ST8SIA1: variants seen among roughly 807,000 people sequenced by gnomAD.
ST8SIA1 encodes alpha-N-acetylneuraminide alpha-2,8-sialyltransferase.
A neutral mutation model predicts 35.9 loss-of-function variants in ST8SIA1; 16 were observed. The ratio of observed to expected loss-of-function variants is 0.45; its 90% confidence interval spans 0.30 to 0.68. The LOEUF (loss-of-function observed/expected upper bound fraction) is 0.68, where lower values mean the gene tolerates loss of function less well. ST8SIA1 is among the 30% of genes least tolerant of loss of function. The probability of loss-of-function intolerance (pLI) is 0.09; values close to 1 mark genes in which losing one functional copy is unlikely to be tolerated. For synonymous variants in ST8SIA1, 170 were observed against 169.6 expected, an observed-to-expected ratio of 1.00 and a Z score of -0.02; for missense variants, 383 against 453.6, an observed-to-expected ratio of 0.84 and a Z score of 1.41.
chr12:22,202,009 G>T lies in ST8SIA1; in HGVS notation c.614C>A (p.Thr205Lys), dbSNP rs138223779. 186 of 1,610,538 alleles carry T rather than the reference G, an allele frequency of 1.2e-4. No homozygotes were observed. Among genetic ancestry groups the T allele is most frequent in the Non-Finnish European group, 1.5e-4 (174 of 1,178,980 alleles). ...RFQNLLWSRK[T>K]FVDNMKIYNH... ...ATAAATTTTCATGTTGTCCACAAAT[G>T]TCTTTCTGGACCACAGAAGGTTCTG... The change falls in exon 5 of 5, where the codon ACA (threonine) becomes AAA (lysine). Residue 205 changes from threonine (T) to lysine (K), a missense_variant. Transcript: ENST00000396037.
intron 1 of ST8SIA1, among the ~76,000 whole-genome samples, chr12:22,310,884 G>A (rs1866440868): frequency 6.6e-6 from 1 of 152,156 alleles, no homozygotes; most frequent in Non-Finnish European, 1.5e-5. Flanking sequence ...TATAGCCCCT[G>A]TAAGTGTTTC....
intron 4 of ST8SIA1, among the ~76,000 whole-genome samples, chr12:22,205,585 C>T (rs180982469): frequency 1.3e-3 from 192 of 152,070 alleles, no homozygotes; most frequent in Admixed American, 3.9e-3. Context: ...TCATACTTCA[C>T]GAGACAATTA....
At chr12:22,272,430 T>C (rs1865922038) in intron 2 of ST8SIA1, among the ~76,000 whole-genome samples, 2 of 152,338 alleles carry the variant, frequency 1.3e-5, no homozygotes, top group Non-Finnish European at 2.9e-5. Context: ...GAAACCATTT[T>C]CTTATTTAGA....
At chr12:22,252,069 A>G (rs963834173) in intron 3 of ST8SIA1, among the ~76,000 whole-genome samples, 1 of 152,210 alleles carries the variant, frequency 6.6e-6, no homozygotes, top group African/African-American at 2.4e-5. Context: ...TTTTTAAAGT[A>G]CTGCTTTTGG....
chr12:22,240,530 GA>G (rs919966160), intron 4 of ST8SIA1, among the ~76,000 whole-genome samples: 58 of 142,868 alleles, frequency 4.1e-4, no homozygotes, highest in Middle Eastern at 3.5e-3. Context: ...GAGTTTGGAG[GA>G]AAAAAAAAAA....
intron 4 of ST8SIA1, among the ~76,000 whole-genome samples, chr12:22,220,765 G>A (rs1174530048): frequency 3.3e-5 from 5 of 152,122 alleles, no homozygotes. Context: ...AGATCCTTAT[G>A]CTGTCTCCAA....
rs75880605 is a variant in ST8SIA1, at chr12:22,199,524, T to G, written c.*2028A>C. The stretch of plus-strand genomic sequence containing the variant: ...AATATTTAACACAATTTCTTCATGG[T>G]ACATTCTCATTATGTTTTTGCTGCC... On this transcript the variant is annotated 3_prime_UTR_variant, in exon 5 of 5. Coordinates refer to ENST00000396037, the MANE Select transcript of ST8SIA1 (RefSeq NM_003034.4). 6.6e-6 allele frequency: 1 copy of G among 152,226 alleles called. No homozygotes were observed. The highest frequency in any genetic ancestry group is 1.9e-4 in the East Asian group (1 of 5,200). The allele number at this position is 152,226 out of a possible 1,614,324, so 9.4% of individuals were successfully genotyped here.
chr12:22,260,248 A>G (rs1330465182), intron 2 of ST8SIA1, among the ~76,000 whole-genome samples: 1 of 149,952 alleles, frequency 6.7e-6, no homozygotes, highest in Non-Finnish European at 1.5e-5. Flanking sequence ...TGCAGCCTTG[A>G]TCTCCCAGGC....
chr12:22,212,901 T>C (rs2216228), intron 4 of ST8SIA1, among the ~76,000 whole-genome samples: 32,389 of 152,134 alleles, frequency 0.21, 3,816 homozygotes, highest in South Asian at 0.33. Context: ...TCAGGAATCA[T>C]ATAACCAGAA....
intron 4 of ST8SIA1, among the ~76,000 whole-genome samples, chr12:22,228,634 T>C (rs1028908401): frequency 2.0e-5 from 3 of 152,190 alleles, no homozygotes; most frequent in Non-Finnish European, 4.4e-5. Flanking sequence ...AGAAAGACTC[T>C]CTAGGCAGAG....
intron 1 of ST8SIA1, among the ~76,000 whole-genome samples, chr12:22,317,376 C>A (rs935901528): frequency 2.6e-5 from 4 of 152,218 alleles, no homozygotes; most frequent in African/African-American, 9.6e-5. Flanking sequence ...CCAAGACTTA[C>A]TTTCTCACAC....
At chr12:22,273,448 G>A (rs192807917) in intron 2 of ST8SIA1, among the ~76,000 whole-genome samples, 1 of 152,238 alleles carries the variant, frequency 6.6e-6, no homozygotes, top group Admixed American at 6.5e-5. Flanking sequence ...CTGCCTTTGG[G>A]TAGGGGGACC....
Position 22,193,484 on chromosome 12 carries a change from C to T in ST8SIA1, c.*8068G>A, listed in dbSNP as rs1864947862. ...GAGACTTACCGAACCTTCTCACTGC[C>T]AGCCATAATTACAATGAATACACCA... On this transcript the variant is annotated 3_prime_UTR_variant, in exon 5 of 5. Coordinates refer to ENST00000396037, the MANE Select transcript of ST8SIA1 (RefSeq NM_003034.4). 1 of 152,106 alleles carries T rather than the reference C, an allele frequency of 6.6e-6. No homozygotes were observed. Among genetic ancestry groups the T allele is most frequent in the Admixed American group, 6.5e-5 (1 of 15,268 alleles). 9.4% of individuals were successfully genotyped at this position (152,106 alleles called of 1,614,324 possible). A position where few individuals can be genotyped will look rare whatever the true frequency, so the allele number is the denominator to read the frequency against.
intron 1 of ST8SIA1, among the ~76,000 whole-genome samples, chr12:22,303,643 A>G (rs1471351781): frequency 1.3e-5 from 2 of 152,024 alleles, no homozygotes; most frequent in East Asian, 3.9e-4. Flanking sequence ...GTTTTGCTTA[A>G]CTGTTTTTTG....
intron 4 of ST8SIA1, among the ~76,000 whole-genome samples, chr12:22,206,144 T>A (rs563080951): frequency 6.6e-6 from 1 of 152,158 alleles, no homozygotes; most frequent in African/African-American, 2.4e-5. Flanking sequence ...TCACCTCCTA[T>A]GACAAATCTC....
chr12:22,290,597 G>T (rs1173366058), intron 1 of ST8SIA1, among the ~76,000 whole-genome samples: 2 of 152,164 alleles, frequency 1.3e-5, no homozygotes, highest in African/African-American at 4.8e-5. Flanking sequence ...CAGCAGAGAT[G>T]TGCACAGACA....
chr12:22,245,985 T>A (rs1186106414), intron 4 of ST8SIA1, among the ~76,000 whole-genome samples: 2 of 152,236 alleles, frequency 1.3e-5, no homozygotes, highest in African/African-American at 4.8e-5. Context: ...TCCCTCATCC[T>A]ACACACTCCT....
chr12:22,256,243 C>T (rs939072292), intron 2 of ST8SIA1, among the ~76,000 whole-genome samples: 1 of 152,178 alleles, frequency 6.6e-6, no homozygotes, highest in African/African-American at 2.4e-5. Context: ...AACCACACAG[C>T]ATGTGACTTT....
intron 1 of ST8SIA1, 188 bp downstream of exon 1, chr12:22,333,809 G>A (rs759861380): frequency 7.8e-6 from 6 of 767,648 alleles, no homozygotes; most frequent in Non-Finnish European, 1.4e-5. Flanking sequence ...GGGGATCAGG[G>A]GTGGGGAAGG....
Sources: allele counts gnomAD v4.1 joint callset (sites outside exome capture counted in the v4.1 genomes callset), GRCh38; gene constraint gnomAD v4.1.1; transcripts MANE v1.5; gene names NCBI Gene and HGNC (gene_info 2026-07-23, HGNC 2026-07-21).